Variants in KLF16 observed in about 807,000 individuals in gnomAD.
KLF16 encodes KLF transcription factor 16, also known as Krueppel-like factor 16.
A neutral mutation model predicts 6.1 loss-of-function variants in KLF16; 6 were observed. The observed-to-expected ratio is 0.98, with a 90% CI of 0.54 to 1.93. The LOEUF (loss-of-function observed/expected upper bound fraction) is 1.93, where lower values mean the gene tolerates loss of function less well. Ranked by LOEUF, KLF16 falls within the 30% of genes most tolerant of loss-of-function variation. The pLI, the probability that KLF16 is intolerant of heterozygous loss-of-function variation, is 0.01. For synonymous variants in KLF16, 211 were observed against 176.5 expected (o/e 1.20, Z -1.55); for missense variants, 355 against 363.8 (o/e 0.98, Z 0.20).
chr19:1,873,041 C>T, the KLF16 span, among the ~76,000 whole-genome samples: 3 of 152,116 alleles, frequency 2.0e-5, no homozygotes, highest in Admixed American at 6.5e-5. Context: ...TCCCAGAGGC[C>T]CCACCTCAGG....
In KLF16 at chr19:1,863,175, G is replaced by C. The variant is rs549681911; in HGVS notation, c.323C>G (p.Ser108Trp). The C allele has an allele frequency of 3.3e-6, 4 of 1,224,162 alleles. No individual in the cohort carries two copies. The highest frequency in any genetic ancestry group is 4.1e-6 in the Non-Finnish European group (4 of 970,268). The allele number at this position is 1,224,162 out of a possible 1,614,324, so 75.8% of individuals were successfully genotyped here. A position where few individuals can be genotyped will look rare whatever the true frequency, so the allele number is the denominator to read the frequency against. The stretch of plus-strand genomic sequence containing the variant: ...GGGGGCGCGGCCCGAGGACGGGGAC[G>C]AGGCGGCTGAGGAGGAGGAGGCGGG... ...ASPASSSSAA[S>W]SPSSGRAPGA... The change falls in exon 1 of 2, where the codon TCG (serine) becomes TGG (tryptophan). Residue 108 changes from serine (S) to tryptophan (W), a missense_variant. Physicochemically the swap from Ser to Trp is radical, Grantham distance 177. Transcript: ENST00000250916.
chr19:1,876,465 T>C, the KLF16 span, among the ~76,000 whole-genome samples: 3 of 152,088 alleles, frequency 2.0e-5, no homozygotes, highest in Non-Finnish European at 1.5e-5. Context: ...CAGTGTCGGC[T>C]CCCTCTTCCA....
At chr19:1,855,430 C>T (rs1474857495) in intron 1 of KLF16, among the ~76,000 whole-genome samples, 1 of 138,878 alleles carries the variant, frequency 7.2e-6, no homozygotes, top group Non-Finnish European at 1.6e-5. Flanking sequence ...GGGGAGGGGG[C>T]GGGGTCTCCC....
chr19:1,862,925 C>A, intron 1 of KLF16, 116 bp downstream of exon 1: 6 of 431,508 alleles, frequency 1.4e-5, no homozygotes, highest in Non-Finnish European at 1.9e-5. Flanking sequence ...GGCGCGGCGG[C>A]GGCCCGGGCG....
Position 1,854,325 on chromosome 19 carries a change from C to T in KLF16, c.*134G>A, listed in dbSNP as rs577610245. On this transcript the variant is annotated 3_prime_UTR_variant, in exon 2 of 2. Coordinates refer to ENST00000250916, the MANE Select transcript of KLF16 (RefSeq NM_031918.4). Reference sequence around the variant, plus strand: ...CAGGTCCAGTCTCAGGCCCCCTCCTCACTCTCTGGAGGGGGGCAGGGGTGT... The same window carrying T: ...CAGGTCCAGTCTCAGGCCCCCTCCTTACTCTCTGGAGGGGGGCAGGGGTGT... The T allele has an allele frequency of 5.3e-6, 6 of 1,130,486 alleles. No individual in the cohort carries two copies. The African/African-American group carries it at 9.9e-5, about 19-fold the overall frequency. The allele number at this position is 1,130,486 out of a possible 1,614,324, so 70.0% of individuals were successfully genotyped here.
intron 1 of KLF16, among the ~76,000 whole-genome samples, chr19:1,858,302 G>A (rs1042778920): frequency 5.3e-5 from 8 of 152,144 alleles, no homozygotes; most frequent in East Asian, 1.9e-4. Context: ...CCTGAGTTCC[G>A]CCCTGGCCTA....
chr19:1,868,461 CTTTTTTTTTTTTTTTTTTTTTTT>C (rs762308559), upstream of KLF16, among the ~76,000 whole-genome samples: 2 of 110,040 alleles, frequency 1.8e-5, no homozygotes, highest in African/African-American at 3.3e-5. Flanking sequence ...CAGATTAGGG[CTTTTTTTTTTTTTTTTTTTTTTT>C]TTTTTTTTTT....
At chr19:1,864,387 G>T (rs1248718073), upstream of KLF16, among the ~76,000 whole-genome samples, 12 of 152,150 alleles carry the variant, frequency 7.9e-5, no homozygotes, top group Non-Finnish European at 1.5e-5. Context: ...GAGCCCCTCG[G>T]AGCCTCCCGG....
the KLF16 span, among the ~76,000 whole-genome samples, chr19:1,869,923 ACT>A: frequency 3.1e-5 from 4 of 129,046 alleles, no homozygotes; most frequent in African/African-American, 1.3e-4. Flanking sequence ...CAAGATAAAT[ACT>A]TTTTCTTTTT....
At chr19:1,865,980 G>A (rs945928983), upstream of KLF16, among the ~76,000 whole-genome samples, 10 of 152,238 alleles carry the variant, frequency 6.6e-5, no homozygotes, top group South Asian at 4.1e-4. Flanking sequence ...CCGGGGCAAC[G>A]TAATGAAACC....
At position 1,854,562 on chromosome 19, in the gene KLF16, C is replaced by A; in HGVS notation, c.656G>T (p.Arg219Leu). ...GGGGGAGGTACTGCGGGCACCAGGG[C>A]GCCGGAGCAGGTCCGGGTGGAAGCC... ...HPGFHPDLLR[R>L]PGARSTSPSD... Residue 219 changes from arginine (R) to leucine (L), a missense_variant, in exon 2 of 2, where the codon CGC (arginine) becomes CTC (leucine). Physicochemically the swap from Arg to Leu is moderately radical, Grantham distance 102 (BLOSUM62 -2). Transcript: ENST00000250916. 1.3e-6 allele frequency: 2 copies of A among 1,573,582 alleles called. No individual in the cohort carries two copies. Among genetic ancestry groups the A allele is most frequent in the Non-Finnish European group, 1.7e-6 (2 of 1,167,652 alleles).
chr19:1,866,308 CAAA>C (rs903989085), upstream of KLF16, among the ~76,000 whole-genome samples: 1 of 141,436 alleles, frequency 7.1e-6, no homozygotes, highest in African/African-American at 2.6e-5. Flanking sequence ...AACTCCATCT[CAAA>C]AAAAAAAATT....
At chr19:1,855,033 GTA>G (rs1418401857) in intron 1 of KLF16, among the ~76,000 whole-genome samples, 1 of 152,200 alleles carries the variant, frequency 6.6e-6, no homozygotes, top group Non-Finnish European at 1.5e-5. Flanking sequence ...TTAACCGTAA[GTA>G]ACCGCCGCAG....
rs2012112514 is a variant in KLF16, at chr19:1,863,333, G to T, written c.165C>A (p.Thr55=). ...CGGGGGGCGGCGGGGGTGGCCCCGG[G>T]GTCCCGGGTGAGGCGGCCTCGCGGC... ...AARREAASPG[T]PGPPPPPPAA... The change falls in exon 1 of 2, where the codon ACC becomes ACA. Residue 55 remains threonine (T), a synonymous_variant. Coordinates refer to ENST00000250916, the MANE Select transcript of KLF16 (RefSeq NM_031918.4). 1.0e-6 allele frequency: 1 copy of T among 981,264 alleles called. No homozygotes were observed. The highest frequency in any genetic ancestry group is 1.2e-6 in the Non-Finnish European group (1 of 828,798). The allele number at this position is 981,264 out of a possible 1,614,324, so 60.8% of individuals were successfully genotyped here. A position where few individuals can be genotyped will look rare whatever the true frequency, so the allele number is the denominator to read the frequency against.
At chr19:1,867,641 G>GT (rs2012208595), upstream of KLF16, among the ~76,000 whole-genome samples, 2 of 152,178 alleles carry the variant, frequency 1.3e-5, no homozygotes, top group East Asian at 3.9e-4. Context: ...CAAGGCAGAT[G>GT]TATCACCTGA....
At chr19:1,861,474 ACCC>A (rs2145368697) in intron 1 of KLF16, 1 of 151,592 alleles carries the variant, frequency 6.6e-6, no homozygotes, top group East Asian at 1.9e-4. Context: ...ATCTTCACAG[ACCC>A]CCAATGTCCC....
At chr19:1,855,304 C>A (rs995222812) in intron 1 of KLF16, among the ~76,000 whole-genome samples, 6 of 152,244 alleles carry the variant, frequency 3.9e-5, no homozygotes, top group African/African-American at 7.2e-5. Context: ...ACCTCCCTAA[C>A]CCTCCTGGCC....
At chr19:1,866,252 G>C (rs2012186750), upstream of KLF16, among the ~76,000 whole-genome samples, 1 of 151,692 alleles carries the variant, frequency 6.6e-6, no homozygotes, top group South Asian at 2.1e-4. Flanking sequence ...AGGTTGCAGT[G>C]AGTTGAGATC....
At chr19:1,863,799 G>GT (rs1368530320), upstream of KLF16, among the ~76,000 whole-genome samples, 1 of 143,040 alleles carries the variant, frequency 7.0e-6, no homozygotes, top group Non-Finnish European at 1.6e-5. Context: ...GCCGCCGGGG[G>GT]CGGGGCTCGG....
Sources: gnomAD v4.1 joint callset for allele counts (sites outside exome capture counted in the v4.1 genomes callset) on GRCh38, gnomAD v4.1.1 for gene constraint, MANE v1.5 for transcripts, NCBI Gene and HGNC (gene_info 2026-07-23, HGNC 2026-07-21) for gene names.